The following MATN2 variants were observed in gnomAD, a reference collection of about 807,000 sequenced individuals.
MATN2 encodes matrilin 2, also known as matrilin-2.
A neutral mutation model predicts 103.2 loss-of-function variants in MATN2; 69 were observed. The ratio of observed to expected loss-of-function variants is 0.67; its 90% CI spans 0.55 to 0.82. MATN2 has a LOEUF of 0.82. Among genes scored for constraint, MATN2 ranks in the 40% least tolerant of loss-of-function variants. MATN2 has a pLI of 0.00. For synonymous variants in MATN2, 429 were observed against 450.2 expected, an observed-to-expected ratio of 0.95 and a Z score of 0.60; for missense variants, 1,023 against 1,211.5, an observed-to-expected ratio of 0.84 and a Z score of 2.31.
Position 97,879,551 on chromosome 8 carries a change from G to A in MATN2, c.-26-8524G>A, listed in dbSNP as rs531927423. Among the ~76,000 whole-genome samples, 8 of 152,356 alleles carry A rather than the reference G, an allele frequency of 5.3e-5. No individual in the cohort carries two copies. The East Asian group carries it at 1.5e-3, about 29-fold the overall frequency. The stretch of plus-strand genomic sequence containing the variant: ...TGTGGGTAGAACATTCGCTGCAGCA[G>A]TGGGAACTGTCAGGAGGCCTGGACA... On this transcript the variant is annotated intron_variant, in intron 1 of 18. Transcript: ENST00000254898.
At chr8:98,025,513 C>T (rs1454220067) in intron 13 of MATN2, 6 of 238,386 alleles carry the variant, frequency 2.5e-5, no homozygotes, top group South Asian at 8.2e-5. Context: ...TTTTGGAGGC[C>T]GAGGTGGGTG....
chr8:97,923,442 T>C (rs746310336), intron 2 of MATN2, among the ~76,000 whole-genome samples: 5 of 152,190 alleles, frequency 3.3e-5, no homozygotes, highest in Admixed American at 6.5e-5. Context: ...TGTTGGTGAT[T>C]TCAAGATCCA....
At chr8:98,028,854 T>C (rs1366407740) in intron 14 of MATN2, among the ~76,000 whole-genome samples, 1 of 152,196 alleles carries the variant, frequency 6.6e-6, no homozygotes, top group Non-Finnish European at 1.5e-5. Flanking sequence ...CCCAAAGTGC[T>C]AGGATTATAG....
intron 4 of MATN2, among the ~76,000 whole-genome samples, chr8:97,955,426 A>G (rs569119261): frequency 6.6e-4 from 101 of 152,328 alleles, no homozygotes; most frequent in African/African-American, 2.2e-3. Context: ...AGAGGGAGGA[A>G]TCCCATGACT....
chr8:97,928,682 G>T (rs1432025076), intron 2 of MATN2, among the ~76,000 whole-genome samples: 1 of 152,148 alleles, frequency 6.6e-6, no homozygotes, highest in Non-Finnish European at 1.5e-5. Flanking sequence ...CCAGCCTGGG[G>T]CTGGACACGA....
chr8:98,006,901 G>T (rs1812989797), intron 8 of MATN2, among the ~76,000 whole-genome samples: 1 of 152,184 alleles, frequency 6.6e-6, no homozygotes, highest in Non-Finnish European at 1.5e-5. Context: ...AGTGAGCCGA[G>T]ATCTCGCCAC....
Position 98,032,329 on chromosome 8 carries a change from A to G in MATN2, c.2581+12A>G. On this transcript the variant is annotated intron_variant, in intron 16 of 18. Transcript: ENST00000254898. ...CCAACAGCCAACAGGTACAGTTTTT[A>G]AGGCAGTGTTTTTAGAAATTTTGGT... 2 of 1,601,948 alleles carry G rather than the reference A, an allele frequency of 1.2e-6. No individual in the cohort carries two copies. Among genetic ancestry groups the G allele is most frequent in the Non-Finnish European group, 8.5e-7 (1 of 1,173,668 alleles).
At chr8:97,875,088 T>A (rs904672539) in intron 1 of MATN2, among the ~76,000 whole-genome samples, 1 of 152,112 alleles carries the variant, frequency 6.6e-6, no homozygotes, top group African/African-American at 2.4e-5. Flanking sequence ...TCCCCTTTTT[T>A]AAGGTCATCT....
In MATN2 at chr8:98,029,185, T is replaced by C. The variant is rs538955671; in HGVS notation, c.2357-1277T>C. Among the ~76,000 whole-genome samples the C allele has an allele frequency of 4.6e-5, 7 of 152,338 alleles. No homozygotes were observed. In the South Asian group the frequency reaches 1.5e-3, roughly 32 times the overall value. On this transcript the variant is annotated intron_variant, in intron 14 of 18. Coordinates refer to ENST00000254898, the MANE Select transcript of MATN2 (RefSeq NM_002380.5). ...ATTTTATTGATACTGCGTACCTTCC[T>C]CTTTTTCTAGCCCAAGAGTGGTAGC...
intron 7 of MATN2, among the ~76,000 whole-genome samples, chr8:98,001,557 T>G: frequency 6.7e-6 from 1 of 149,530 alleles, no homozygotes; most frequent in East Asian, 2.0e-4. Context: ...CTCTGCCTCC[T>G]GGGTTCAAGC....
intron 15 of MATN2, 29 bp from the exon 16 acceptor site, chr8:98,032,217 A>G: frequency 6.3e-7 from 1 of 1,582,128 alleles, no homozygotes; most frequent in Non-Finnish European, 8.6e-7. Context: ...GACAACCATC[A>G]CTTCTTTTGG....
chr8:97,913,844 A>G (rs1586408017), intron 2 of MATN2, among the ~76,000 whole-genome samples: 1 of 152,146 alleles, frequency 6.6e-6, no homozygotes. Flanking sequence ...CGAACTCCTG[A>G]CCTCAGCCGA....
At chr8:97,913,684 G>A (rs1273577484) in intron 2 of MATN2, among the ~76,000 whole-genome samples, 1 of 148,108 alleles carries the variant, frequency 6.8e-6, no homozygotes, top group Non-Finnish European at 1.5e-5. Flanking sequence ...GTACAATCTC[G>A]GCTCACTGCA....
At chr8:97,889,459 C>CTATGTATATATATATATATATATATA (rs1818554734) in intron 2 of MATN2, among the ~76,000 whole-genome samples, 1 of 123,366 alleles carries the variant, frequency 8.1e-6, no homozygotes, top group Non-Finnish European at 1.7e-5. Flanking sequence ...CTCTCTCTGT[C>CTATGTATATATATATATATATATATA]TATATATATA....
intron 4 of MATN2, among the ~76,000 whole-genome samples, chr8:97,960,878 G>T (rs561401150): frequency 6.6e-6 from 1 of 152,258 alleles, no homozygotes; most frequent in East Asian, 1.9e-4. Context: ...GCAATGGCAC[G>T]ATCTTGGCTC....
chr8:97,908,243 G>T (rs565187860), intron 2 of MATN2, among the ~76,000 whole-genome samples: 193 of 151,806 alleles, frequency 1.3e-3, no homozygotes, highest in African/African-American at 4.4e-3. Context: ...GGCAACAAGA[G>T]TGAAACTCTA....
intron 2 of MATN2, among the ~76,000 whole-genome samples, chr8:97,908,607 T>C (rs1443457398): frequency 6.6e-6 from 1 of 152,240 alleles, no homozygotes; most frequent in Non-Finnish European, 1.5e-5. Context: ...CTGTACTGAC[T>C]TAAATATAAA....
intron 2 of MATN2, among the ~76,000 whole-genome samples, chr8:97,921,881 C>T (rs565039343): frequency 2.0e-5 from 3 of 151,854 alleles, no homozygotes; most frequent in East Asian, 1.9e-4. Context: ...TGCTGTGGAC[C>T]GATCTCAGTC....
chr8:98,034,572 AGAGGGCAGATAGAGGGTACT>A (rs1395927646), intron 18 of MATN2, among the ~76,000 whole-genome samples: 1 of 152,168 alleles, frequency 6.6e-6, no homozygotes, highest in Non-Finnish European at 1.5e-5. Flanking sequence ...TCTGCCCTCA[AGAGGGCAGATAGAGGGTACT>A]GAGGAGCTTA....
Sources: allele counts gnomAD v4.1 joint callset (sites outside exome capture counted in the v4.1 genomes callset), GRCh38; gene constraint gnomAD v4.1.1; transcripts MANE v1.5; gene names NCBI Gene and HGNC (gene_info 2026-07-23, HGNC 2026-07-21).